TRAPPC9: variants seen among roughly 807,000 people sequenced by gnomAD.
TRAPPC9 encodes trafficking protein particle complex subunit 9, also known as IKK2 binding protein.
In TRAPPC9, 83 loss-of-function variants were observed where a neutral mutation model predicts 124.0. The observed-to-expected ratio is 0.67, with a 90% CI of 0.56 to 0.80. The LOEUF (loss-of-function observed/expected upper bound fraction) is 0.80, where lower values mean the gene tolerates loss of function less well. Ranked by LOEUF, TRAPPC9 falls within the 30% of genes least tolerant of loss-of-function variation. The pLI is 0.00. For missense variants in TRAPPC9, 1,302 were observed against 1,508.3 expected, an observed-to-expected ratio of 0.86 and a Z score of 2.27; for synonymous variants, 638 against 617.5, an observed-to-expected ratio of 1.03 and a Z score of -0.49.
intron 17 of TRAPPC9, among the ~76,000 whole-genome samples, chr8:140,174,788 A>G (rs1436601916): frequency 2.6e-5 from 4 of 152,218 alleles, no homozygotes; most frequent in East Asian, 1.9e-4. Context: ...TATTGCATTA[A>G]TCTACAACAG....
chr8:140,049,627 C>T (rs1841852998), intron 17 of TRAPPC9, among the ~76,000 whole-genome samples: 4 of 151,730 alleles, frequency 2.6e-5, no homozygotes, highest in South Asian at 4.2e-4. Flanking sequence ...ATTTGCTCGT[C>T]GGTCTTTGAA....
At chr8:140,214,540 G>A (rs1413820178) in intron 17 of TRAPPC9, among the ~76,000 whole-genome samples, 1 of 152,128 alleles carries the variant, frequency 6.6e-6, no homozygotes, top group Non-Finnish European at 1.5e-5. Flanking sequence ...TCCTAACTTG[G>A]TCCAACCTTC....
intron 7 of TRAPPC9, among the ~76,000 whole-genome samples, chr8:140,388,747 C>A (rs1346681459): frequency 1.3e-5 from 2 of 149,550 alleles, no homozygotes; most frequent in Admixed American, 6.7e-5. Context: ...ACTTGGGAGG[C>A]TGAGGTGGAA....
chr8:140,198,596 G>C (rs184661570), intron 17 of TRAPPC9, among the ~76,000 whole-genome samples: 2 of 152,098 alleles, frequency 1.3e-5, no homozygotes, highest in Non-Finnish European at 2.9e-5. Flanking sequence ...TCTGCTCCCC[G>C]AATGCCCAGG....
chr8:140,015,529 A>T (rs914503882), intron 18 of TRAPPC9, among the ~76,000 whole-genome samples: 1 of 152,168 alleles, frequency 6.6e-6, no homozygotes, highest in Non-Finnish European at 1.5e-5. Flanking sequence ...ATTAAGAAAG[A>T]TAGAATTTAG....
chr8:139,963,378 A>G (rs1346366909), intron 19 of TRAPPC9, among the ~76,000 whole-genome samples: 1 of 152,158 alleles, frequency 6.6e-6, no homozygotes, highest in Non-Finnish European at 1.5e-5. Flanking sequence ...CTTCCCAAGG[A>G]TGGCTGAGGT....
chr8:140,328,779 C>G (rs2066810011), intron 9 of TRAPPC9, among the ~76,000 whole-genome samples: 1 of 151,918 alleles, frequency 6.6e-6, no homozygotes, highest in African/African-American at 2.4e-5. Flanking sequence ...TAGCTATGAC[C>G]AAGGAGGCCA....
At chr8:140,344,747 C>G (rs538898445) in intron 9 of TRAPPC9, among the ~76,000 whole-genome samples, 1 of 152,376 alleles carries the variant, frequency 6.6e-6, no homozygotes, top group South Asian at 2.1e-4. Context: ...GTGCAGAAGA[C>G]TGGAGAGAGG....
At chr8:140,400,904 T>C (rs941990030) in intron 6 of TRAPPC9, among the ~76,000 whole-genome samples, 5 of 152,248 alleles carry the variant, frequency 3.3e-5, no homozygotes, top group African/African-American at 1.2e-4. Context: ...TTCTGCATTT[T>C]TGTTTTCTAC....
At chr8:139,936,340 A>G (rs1833512502) in intron 19 of TRAPPC9, among the ~76,000 whole-genome samples, 1 of 152,258 alleles carries the variant, frequency 6.6e-6, no homozygotes, top group Non-Finnish European at 1.5e-5. Flanking sequence ...GCTGAGTGCC[A>G]GCTCTGCCAG....
intron 17 of TRAPPC9, among the ~76,000 whole-genome samples, chr8:140,126,036 T>C (rs564131397): frequency 1.3e-5 from 2 of 152,040 alleles, no homozygotes; most frequent in East Asian, 3.9e-4. Flanking sequence ...CCTCCCAAAG[T>C]GCTGGGATTA....
chr8:140,083,902 T>C (rs1276708291), intron 17 of TRAPPC9, among the ~76,000 whole-genome samples: 2 of 152,142 alleles, frequency 1.3e-5, no homozygotes, highest in African/African-American at 2.4e-5. Flanking sequence ...CCTGACCTCG[T>C]GATCCGCCCG....
At chr8:140,196,128 C>T (rs1258040365) in intron 17 of TRAPPC9, among the ~76,000 whole-genome samples, 1 of 53,206 alleles carries the variant, frequency 1.9e-5, no homozygotes, top group African/African-American at 8.8e-5. Context: ...ACCTGTGACA[C>T]TGAAACACAA....
intron 19 of TRAPPC9, among the ~76,000 whole-genome samples, chr8:139,958,798 A>G (rs1261466376): frequency 6.6e-6 from 1 of 152,196 alleles, no homozygotes; most frequent in Non-Finnish European, 1.5e-5. Flanking sequence ...CCTTTCCACA[A>G]GGAAAAGGGG....
rs577750980 is a variant in TRAPPC9, at chr8:140,087,371, G to A, written c.2557-63292C>T. The stretch of plus-strand genomic sequence containing the variant: ...GGATTTTAAACGCTGCCTCTAAGCT[G>A]CTGACTCTCACACTTCTCCCTCCAG... On this transcript the variant is annotated intron_variant, in intron 17 of 22. Transcript: ENST00000438773. The surrounding 1 kb of genome is among the most constrained non-coding windows in gnomAD (Gnocchi z 4.6). Among the ~76,000 whole-genome samples, 9 of 152,110 alleles carry A rather than the reference G, an allele frequency of 5.9e-5. No individual in the cohort carries two copies. The South Asian group carries it at 1.9e-3, about 32-fold the overall frequency.
rs556239074 is a variant in TRAPPC9 at position 140,457,447 on chromosome 8, G to C, written c.-11+192C>G. ...GTAAGCAGAGCGCCAACAGGAGCAA[G>C]GGCGCCTCGAGCAGGTGCACGCTGA... On this transcript the variant is annotated intron_variant, in intron 1 of 22. Transcript: ENST00000438773. Among the ~76,000 whole-genome samples the C allele has an allele frequency of 4.6e-5, 7 of 152,334 alleles. No homozygotes were observed. The East Asian group carries it at 1.4e-3, about 29-fold the overall frequency.
At chr8:139,969,772 C>T (rs987613530) in intron 19 of TRAPPC9, among the ~76,000 whole-genome samples, 5 of 152,230 alleles carry the variant, frequency 3.3e-5, no homozygotes, top group African/African-American at 1.2e-4. Context: ...GCCATGGCTG[C>T]TTTGATTGTG....
chr8:140,300,025 A>G (rs555531199), intron 11 of TRAPPC9, among the ~76,000 whole-genome samples: 49 of 152,340 alleles, frequency 3.2e-4, no homozygotes, highest in African/African-American at 7.9e-4. Context: ...TGTAGTTCAC[A>G]TAAGTCTCAG....
intron 17 of TRAPPC9, chr8:140,096,558 T>G (rs1370578590): frequency 6.6e-6 from 1 of 152,148 alleles, no homozygotes; most frequent in Non-Finnish European, 1.5e-5. Flanking sequence ...GAAACCAGAA[T>G]TCTTGAGGAA....
Sources: allele counts gnomAD v4.1 joint callset (sites outside exome capture counted in the v4.1 genomes callset), GRCh38; gene constraint gnomAD v4.1.1; non-coding constraint Gnocchi (gnomAD v3.1); transcripts MANE v1.5; gene names NCBI Gene and HGNC (gene_info 2026-07-23, HGNC 2026-07-21).